Variants in PATJ observed in about 807,000 individuals in gnomAD.
PATJ encodes PATJ crumbs cell polarity complex component.
In PATJ, 190 loss-of-function variants were observed where a neutral mutation model predicts 224.9. The ratio of observed to expected loss-of-function variants is 0.84; its 90% CI spans 0.75 to 0.95. The LOEUF is 0.95. PATJ is among the 40% of genes least tolerant of loss of function. The pLI is 0.00. For missense variants in PATJ, 2,121 were observed against 2,270.3 expected, an observed-to-expected ratio of 0.93 and a Z score of 1.34; for synonymous variants, 769 against 820.3, an observed-to-expected ratio of 0.94 and a Z score of 1.07.
intron 31 of PATJ, among the ~76,000 whole-genome samples, chr1:62,055,966 A>G (rs1399333819): frequency 6.6e-6 from 1 of 152,206 alleles, no homozygotes; most frequent in Admixed American, 6.5e-5. Flanking sequence ...CTGCAGTCCA[A>G]AGGCTGGAGA....
At chr1:62,052,757 A>AG (rs1653861448) in intron 31 of PATJ, among the ~76,000 whole-genome samples, 1 of 152,094 alleles carries the variant, frequency 6.6e-6, no homozygotes, top group African/African-American at 2.4e-5. Flanking sequence ...AAAAAAAAAA[A>AG]GAAAAAAGAA....
chr1:61,868,628 A>G (rs1665769668), intron 20 of PATJ, among the ~76,000 whole-genome samples: 1 of 151,986 alleles, frequency 6.6e-6, no homozygotes, highest in South Asian at 2.1e-4. Flanking sequence ...ATCTCTACTA[A>G]AAATAGAAAA....
chr1:62,070,693 A>G lies in PATJ; in HGVS notation c.4126-8757A>G, dbSNP rs547282727. 7.2e-5 allele frequency among the ~76,000 whole-genome samples: 11 copies of G among 152,302 alleles called. No homozygotes were observed. In the South Asian group the frequency reaches 2.1e-3, roughly 29 times the overall value. The stretch of plus-strand genomic sequence containing the variant: ...TCATCTGTTTAGAAGCAAAATTTAT[A>G]AAGGGCAGGGGAGCAGTCCTAGGAT... On this transcript the variant is annotated intron_variant, in intron 31 of 43. Coordinates refer to ENST00000642238, the MANE Select transcript of PATJ (RefSeq NM_001350145.3).
chr1:61,744,552 TATAAA>T (rs78349713), intron 1 of PATJ, among the ~76,000 whole-genome samples: 41,806 of 151,668 alleles, frequency 0.28, 5,852 homozygotes, highest in East Asian at 0.39. Context: ...GGATAGAACT[TATAAA>T]ATGAGTTCTG....
rs529084023 is a variant in PATJ, at chr1:61,808,517, A to T, written c.1670A>T (p.Gln557Leu). 11 of 1,604,484 alleles carry T rather than the reference A, an allele frequency of 6.9e-6. No individual in the cohort carries two copies. The East Asian group carries it at 2.5e-4, about 36-fold the overall frequency. ...DTQIADDAEL[Q>L]KYSKLLPIHT... ...CAGATTGCAGATGATGCTGAGTTAC[A>T]GAAATATTCAAAGGTAAGCATTTTT... Residue 557 changes from glutamine to leucine, a missense_variant, in exon 14 of 44, where the codon CAG becomes CTG. Physicochemically the swap from Gln to Leu is moderately radical, Grantham distance 113. Transcript: ENST00000642238.
rs113712189 is a variant in PATJ at position 62,138,403 on chromosome 1, G to A, written c.5271+9458G>A. On this transcript the variant is annotated intron_variant, in intron 41 of 43. Transcript: ENST00000642238. ...ATTCACTGCAACCTCCGCCTCCTGG[G>A]TTCAAGTGATTCTCCTGCCTCAGCC... Among the ~76,000 whole-genome samples the A allele has an allele frequency of 1.3e-3, 193 of 152,244 alleles. 2 individuals carry two copies. The highest frequency in any genetic ancestry group is 4.5e-3 in the African/African-American group (188 of 41,546).
intron 33 of PATJ, among the ~76,000 whole-genome samples, chr1:62,092,982 A>G (rs1433530173): frequency 3.3e-5 from 5 of 151,674 alleles, no homozygotes; most frequent in Admixed American, 6.6e-5. Flanking sequence ...AGCTCAGGCA[A>G]TCCGCCCGCC....
chr1:61,893,869 T>C (rs1669959046), intron 22 of PATJ, among the ~76,000 whole-genome samples: 1 of 151,320 alleles, frequency 6.6e-6, no homozygotes, highest in African/African-American at 2.4e-5. Flanking sequence ...TTTTCCTTAA[T>C]GCCTATATGA....
At chr1:61,933,411 G>T (rs544003289) in intron 27 of PATJ, among the ~76,000 whole-genome samples, 1 of 151,926 alleles carries the variant, frequency 6.6e-6, no homozygotes, top group African/African-American at 2.4e-5. Context: ...GTAGTGGCGG[G>T]CTCCTTGTAA....
chr1:61,787,210 A>G (rs1557643323), intron 7 of PATJ, among the ~76,000 whole-genome samples: 1 of 152,196 alleles, frequency 6.6e-6, no homozygotes, highest in Non-Finnish European at 1.5e-5. Flanking sequence ...CCTCTGTTTC[A>G]AAACTCTGCT....
chr1:62,138,544 T>C (rs1387234873), intron 41 of PATJ, among the ~76,000 whole-genome samples: 1 of 152,016 alleles, frequency 6.6e-6, no homozygotes, highest in Non-Finnish European at 1.5e-5. Context: ...TGACCTCAGG[T>C]GATCCACCCG....
At chr1:61,978,347 CCT>C (rs1644264000) in intron 27 of PATJ, among the ~76,000 whole-genome samples, 1 of 151,286 alleles carries the variant, frequency 6.6e-6, no homozygotes, top group Non-Finnish European at 1.5e-5. Flanking sequence ...CTCACTGCAA[CCT>C]CTGTCTCCTA....
At chr1:61,871,414 CAT>C (rs1491532131) in intron 20 of PATJ, among the ~76,000 whole-genome samples, 1 of 108,716 alleles carries the variant, frequency 9.2e-6, no homozygotes. Flanking sequence ...TATATATATA[CAT>C]ATATATGTAC....
In PATJ at chr1:61,986,199, C is replaced by T. The variant is rs114730144; in HGVS notation, c.3671-3969C>T. On this transcript the variant is annotated intron_variant, in intron 27 of 43. Transcript: ENST00000642238. ...TGCTGGGATCACAGGCATGAAACAC[C>T]GTGCCCAGCCTCATTTCAGTGTCTT... 9.5e-4 allele frequency among the ~76,000 whole-genome samples: 144 copies of T among 152,084 alleles called. 4 individuals carry two copies. The highest frequency in any genetic ancestry group is 3.2e-3 in the African/African-American group (132 of 41,368).
intron 1 of PATJ, among the ~76,000 whole-genome samples, chr1:61,750,434 GC>G (rs1471522249): frequency 9.9e-6 from 1 of 101,204 alleles, no homozygotes; most frequent in Non-Finnish European, 2.0e-5. Flanking sequence ...ATTTTCTGGA[GC>G]TTTTTTTTTT....
At position 61,980,262 on chromosome 1, in the gene PATJ, T is replaced by A. The variant is rs569479366; in HGVS notation, c.3671-9906T>A. On this transcript the variant is annotated intron_variant, in intron 27 of 43. Coordinates refer to ENST00000642238, the MANE Select transcript of PATJ (RefSeq NM_001350145.3). The stretch of plus-strand genomic sequence containing the variant: ...ATTATGCCGCTGAACTCTAGCCTGG[T>A]CAACAGAATGAGACCCTGTGTCAAA... 1.8e-4 allele frequency among the ~76,000 whole-genome samples: 28 copies of A among 151,972 alleles called. No homozygotes were observed. In the Middle Eastern group the frequency reaches 0.014, roughly 74 times the overall value.
chr1:61,789,624 C>T (rs975647147), intron 8 of PATJ, among the ~76,000 whole-genome samples: 1 of 151,800 alleles, frequency 6.6e-6, no homozygotes, highest in African/African-American at 2.4e-5. Flanking sequence ...ACCAGCCTGG[C>T]CAACATGGTG....
chr1:61,898,862 T>C lies in PATJ; in HGVS notation c.3132-721T>C, dbSNP rs114551261. Among the ~76,000 whole-genome samples, 1,498 of 152,272 alleles carry C rather than the reference T, an allele frequency of 9.8e-3. 29 individuals are homozygous for C. The highest frequency in any genetic ancestry group is 0.035 in the African/African-American group (1,435 of 41,562). ...AGTGCAGTGGCACAAACATGACTCA[T>C]TGCACTCTTGACCTTCCAGGATCAA... On this transcript the variant is annotated intron_variant, in intron 22 of 43. Coordinates refer to ENST00000642238, the MANE Select transcript of PATJ (RefSeq NM_001350145.3).
At chr1:61,923,323 A>G (rs12097637) in intron 26 of PATJ, among the ~76,000 whole-genome samples, 4,916 of 152,282 alleles carry the variant, frequency 0.032, 309 homozygotes, top group African/African-American at 0.11. Flanking sequence ...AGGCGCCTTC[A>G]CCATAAGAGG....
Sources: allele counts gnomAD v4.1 joint callset (sites outside exome capture counted in the v4.1 genomes callset), GRCh38; gene constraint gnomAD v4.1.1; transcripts MANE v1.5; gene names NCBI Gene and HGNC (gene_info 2026-07-23, HGNC 2026-07-21).